The following ADGRG5 variants were observed in gnomAD, a reference collection of about 807,000 sequenced individuals.
ADGRG5 encodes the protein adhesion G protein-coupled receptor G5.
In ADGRG5, 37 loss-of-function variants were observed where a neutral mutation model predicts 53.2. The ratio of observed to expected loss-of-function variants is 0.70; its 90% CI spans 0.53 to 0.91. The LOEUF is 0.91. Ranked by LOEUF, ADGRG5 falls within the 40% of genes least tolerant of loss-of-function variation. The probability of loss-of-function intolerance (pLI) is 0.00; values close to 1 mark genes in which losing one functional copy is unlikely to be tolerated. For synonymous variants in ADGRG5, 277 were observed against 290.4 expected, an observed-to-expected ratio of 0.95 and a Z score of 0.47; for missense variants, 614 against 675.8, an observed-to-expected ratio of 0.91 and a Z score of 1.01.
intron 1 of ADGRG5, among the ~76,000 whole-genome samples, chr16:57,552,323 C>T (rs7185200): frequency 0.54 from 82,491 of 151,986 alleles, 24,225 homozygotes; most frequent in African/African-American, 0.76. Flanking sequence ...AGATGGCATC[C>T]GCTTCCAATA....
At chr16:57,569,006 C>CCAT (rs1418260202) in intron 9 of ADGRG5, among the ~76,000 whole-genome samples, 1 of 150,864 alleles carries the variant, frequency 6.6e-6, no homozygotes, top group Non-Finnish European at 1.5e-5. Context: ...ATCACCATCA[C>CCAT]CTCCTCCACC....
At chr16:57,559,435 G>A (rs550767814) in intron 1 of ADGRG5, among the ~76,000 whole-genome samples, 57 of 152,290 alleles carry the variant, frequency 3.7e-4, no homozygotes, top group African/African-American at 1.3e-3. Context: ...GCCTCTCTCA[G>A]GCCCTGTCCC....
chr16:57,533,973 A>G, the ADGRG5 span, among the ~76,000 whole-genome samples: 2 of 152,150 alleles, frequency 1.3e-5, no homozygotes, highest in Admixed American at 6.5e-5. Flanking sequence ...ACCGGCCACC[A>G]CAGGCCCCGG....
upstream of ADGRG5, among the ~76,000 whole-genome samples, chr16:57,540,472 C>T (rs1269053069): frequency 1.3e-5 from 2 of 152,164 alleles, no homozygotes; most frequent in Non-Finnish European, 2.9e-5. Flanking sequence ...GTGGCCTCCT[C>T]CCTGCCTGGG....
chr16:57,548,311 A>G (rs1229394725), intron 1 of ADGRG5, among the ~76,000 whole-genome samples: 1 of 152,098 alleles, frequency 6.6e-6, no homozygotes, highest in Non-Finnish European at 1.5e-5. Flanking sequence ...AACGTTTTGT[A>G]TACCCTTCAC....
chr16:57,559,261 G>A (rs1455233994), intron 1 of ADGRG5, among the ~76,000 whole-genome samples: 1 of 152,160 alleles, frequency 6.6e-6, no homozygotes, highest in Non-Finnish European at 1.5e-5. Context: ...TGTGGGATGG[G>A]CATCTTAAAT....
At chr16:57,539,454 C>CTT (rs35729717), upstream of ADGRG5, among the ~76,000 whole-genome samples, 523 of 141,494 alleles carry the variant, frequency 3.7e-3, 14 homozygotes, top group Non-Finnish European at 4.9e-3. Flanking sequence ...CACTGTACCC[C>CTT]TTTTTTTTTT....
At chr16:57,539,818 GTGTA>G (rs1316252471), upstream of ADGRG5, among the ~76,000 whole-genome samples, 2 of 130,654 alleles carry the variant, frequency 1.5e-5, no homozygotes, top group African/African-American at 5.9e-5. Context: ...GTGTGTGTGC[GTGTA>G]TATATATATA....
intron 1 of ADGRG5, among the ~76,000 whole-genome samples, chr16:57,557,359 ATGGCTCTTTTCTC>A (rs2032907414): frequency 1.3e-5 from 2 of 152,154 alleles, no homozygotes; most frequent in South Asian, 4.1e-4. Flanking sequence ...TCTGTGTACA[ATGGCTCTTTTCTC>A]TGGCTGACTT....
upstream of ADGRG5, among the ~76,000 whole-genome samples, chr16:57,540,465 G>T (rs1359477048): frequency 6.6e-6 from 1 of 152,190 alleles, no homozygotes; most frequent in Non-Finnish European, 1.5e-5. Context: ...ATGGTATGTG[G>T]CCTCCTCCCT....
chr16:57,553,903 G>A (rs1483722056), intron 1 of ADGRG5, among the ~76,000 whole-genome samples: 1 of 152,000 alleles, frequency 6.6e-6, no homozygotes, highest in South Asian at 2.1e-4. Context: ...TACTTATTTT[G>A]TCTTCCATTT....
At chr16:57,558,787 A>G (rs929462940) in intron 1 of ADGRG5, among the ~76,000 whole-genome samples, 1 of 151,414 alleles carries the variant, frequency 6.6e-6, no homozygotes, top group African/African-American at 2.4e-5. Context: ...ATATCAGTGC[A>G]AAATCCTGGA....
At chr16:57,536,945 C>G in the ADGRG5 span, among the ~76,000 whole-genome samples, 4 of 152,206 alleles carry the variant, frequency 2.6e-5, no homozygotes, top group African/African-American at 9.6e-5. Flanking sequence ...CTTACCAAGT[C>G]TTCACTGTTG....
At chr16:57,540,344 T>C (rs1001397821), upstream of ADGRG5, among the ~76,000 whole-genome samples, 13 of 152,230 alleles carry the variant, frequency 8.5e-5, no homozygotes, top group Non-Finnish European at 1.5e-4. Flanking sequence ...TAAATGACTT[T>C]TTTTGCATTG....
chr16:57,529,840 T>A, the ADGRG5 span, among the ~76,000 whole-genome samples: 1 of 152,204 alleles, frequency 6.6e-6, no homozygotes, highest in Non-Finnish European at 1.5e-5. This position sits in a 1 kb window ranked among gnomAD's most constrained non-coding sequence, Gnocchi z 4.1. Context: ...GCTGTGTACC[T>A]TTAACCAAGG....
the ADGRG5 span, among the ~76,000 whole-genome samples, chr16:57,533,426 T>TACAGCACAGCCCTGGGGAC: frequency 1.3e-5 from 2 of 151,364 alleles, no homozygotes; most frequent in Admixed American, 6.6e-5. Flanking sequence ...GCCCCACTCA[T>TACAGCACAGCCCTGGGGAC]ACAGCACAGC....
rs1596806597 is a variant in ADGRG5 at position 57,575,805 on chromosome 16, G to A, written c.*267G>A. 5 of 462,336 alleles carry A rather than the reference G, an allele frequency of 1.1e-5. No homozygotes were observed. The highest frequency in any genetic ancestry group is 4.8e-5 in the South Asian group (2 of 41,264). 28.6% of individuals were successfully genotyped at this position (462,336 alleles called of 1,614,324 possible). A position where few individuals can be genotyped will look rare whatever the true frequency, so the allele number is the denominator to read the frequency against. On this transcript the variant is annotated 3_prime_UTR_variant, in exon 12 of 12. Coordinates refer to ENST00000349457, the MANE Select transcript of ADGRG5 (RefSeq NM_001304376.3). The stretch of plus-strand genomic sequence containing the variant: ...TACCTGGGCCCAGCTCGCCAGGGAT[G>A]TGGGCAGAGCACCAGCCTGGGCATC...
chr16:57,554,489 G>A (rs1401092623), intron 1 of ADGRG5, among the ~76,000 whole-genome samples: 1 of 151,628 alleles, frequency 6.6e-6, no homozygotes, highest in Non-Finnish European at 1.5e-5. Flanking sequence ...CCATTCTCCT[G>A]CTTCAGCCTC....
chr16:57,536,344 T>C, the ADGRG5 span, among the ~76,000 whole-genome samples: 193 of 152,182 alleles, frequency 1.3e-3, no homozygotes, highest in African/African-American at 4.3e-3. Flanking sequence ...AAAGTTCTGC[T>C]CTGAGTTCGG....
Sources: allele counts gnomAD v4.1 joint callset (sites outside exome capture counted in the v4.1 genomes callset), GRCh38; gene constraint gnomAD v4.1.1; non-coding constraint Gnocchi (gnomAD v3.1); transcripts MANE v1.5; gene names NCBI Gene and HGNC (gene_info 2026-07-23, HGNC 2026-07-21).